The following CNTN4 variants were observed in gnomAD, a reference collection of about 807,000 sequenced individuals.
CNTN4 encodes the protein contactin 4.
Under a neutral mutation model 122.5 loss-of-function variants are expected in CNTN4, and 77 were observed. The observed-to-expected ratio is 0.63, with a 90% CI of 0.52 to 0.76. The LOEUF (loss-of-function observed/expected upper bound fraction) is 0.76, where lower values mean the gene tolerates loss of function less well. Ranked by LOEUF, CNTN4 falls within the 30% of genes least tolerant of loss-of-function variation. The pLI, the probability that CNTN4 is intolerant of heterozygous loss-of-function variation, is 0.00. For synonymous variants in CNTN4, 512 were observed against 447.0 expected, an observed-to-expected ratio of 1.15 and a Z score of -1.83; for missense variants, 1,256 against 1,259.1, an observed-to-expected ratio of 1.00 and a Z score of 0.04.
At chr3:2,425,653 A>G (rs1319327407) in intron 3 of CNTN4, among the ~76,000 whole-genome samples, 1 of 152,110 alleles carries the variant, frequency 6.6e-6, no homozygotes, top group Non-Finnish European at 1.5e-5. Context: ...TCTATAAATT[A>G]CCTTGGGCAG....
At chr3:2,627,641 C>G (rs1479931854) in intron 4 of CNTN4, among the ~76,000 whole-genome samples, 2 of 146,972 alleles carry the variant, frequency 1.4e-5, no homozygotes, top group Non-Finnish European at 3.0e-5. Flanking sequence ...ATACAGGTGC[C>G]CGCCACCACG....
In CNTN4 at chr3:2,718,889, A is replaced by G. The variant is rs184629110; in HGVS notation, c.56-17326A>G. 9.2e-5 allele frequency among the ~76,000 whole-genome samples: 14 copies of G among 152,292 alleles called. No homozygotes were observed. In the East Asian group the frequency reaches 2.7e-3, roughly 29 times the overall value. On this transcript the variant is annotated intron_variant, in intron 4 of 24. Coordinates refer to ENST00000418658, the MANE Select transcript of CNTN4 (RefSeq NM_175607.3). ...ATGCAAAATGATGGGCCCAAATTGG[A>G]TCAGGGATTTTTAACCTGAAATCCA...
At chr3:2,648,767 T>C (rs935013832) in intron 4 of CNTN4, among the ~76,000 whole-genome samples, 2 of 152,186 alleles carry the variant, frequency 1.3e-5, no homozygotes, top group African/African-American at 2.4e-5. Context: ...TTGACCTTAA[T>C]GAGGAAGGCA....
At chr3:2,979,615 T>TC (rs1464078277) in intron 13 of CNTN4, among the ~76,000 whole-genome samples, 1 of 152,028 alleles carries the variant, frequency 6.6e-6, no homozygotes, top group Non-Finnish European at 1.5e-5. Context: ...CTTTGAGTTT[T>TC]TTTTTTTTTT....
intron 2 of CNTN4, among the ~76,000 whole-genome samples, chr3:2,142,718 G>T (rs937400949): frequency 6.6e-6 from 1 of 152,104 alleles, no homozygotes; most frequent in Non-Finnish European, 1.5e-5. Context: ...AGCTGCCTCT[G>T]CAAATGATAG....
intron 4 of CNTN4, among the ~76,000 whole-genome samples, chr3:2,632,363 A>G (rs2082480923): frequency 6.6e-6 from 1 of 152,188 alleles, no homozygotes; most frequent in Non-Finnish European, 1.5e-5. Context: ...GATTTTCTTC[A>G]TAACACTGGA....
intron 4 of CNTN4, among the ~76,000 whole-genome samples, chr3:2,683,937 A>T (rs923561928): frequency 6.6e-6 from 1 of 152,126 alleles, no homozygotes; most frequent in South Asian, 2.1e-4. Flanking sequence ...CCAGCCTTTT[A>T]AAGAAATTCC....
chr3:2,485,221 G>A (rs894555865), intron 3 of CNTN4, among the ~76,000 whole-genome samples: 2 of 152,312 alleles, frequency 1.3e-5, no homozygotes, highest in South Asian at 2.1e-4. Context: ...CGCGGCCGGA[G>A]CCTCCGCAGA....
chr3:2,296,813 A>T (rs979542450), intron 2 of CNTN4, among the ~76,000 whole-genome samples: 1 of 151,564 alleles, frequency 6.6e-6, no homozygotes, highest in Admixed American at 6.6e-5. Context: ...ACAAAAAACT[A>T]TAATTCCAAT....
chr3:2,521,312 G>A (rs1011914182), intron 3 of CNTN4, among the ~76,000 whole-genome samples: 2 of 151,132 alleles, frequency 1.3e-5, no homozygotes, highest in East Asian at 3.9e-4. Flanking sequence ...GCTTCATTTT[G>A]TTTCTGTGAA....
intron 2 of CNTN4, among the ~76,000 whole-genome samples, chr3:2,292,025 C>T (rs1415034242): frequency 6.6e-6 from 1 of 152,110 alleles, no homozygotes; most frequent in Admixed American, 6.6e-5. Flanking sequence ...CGTGAGCCAC[C>T]GCGCCTGGCG....
At chr3:2,521,351 A>ACCCCC (rs770856406) in intron 3 of CNTN4, among the ~76,000 whole-genome samples, 1 of 115,198 alleles carries the variant, frequency 8.7e-6, no homozygotes, top group African/African-American at 3.4e-5. Context: ...CATCCCCCCC[A>ACCCCC]CCCCCCGCAA....
intron 22 of CNTN4, 127 bp downstream of exon 22, chr3:3,043,290 A>G (rs1700330710): frequency 2.0e-6 from 2 of 976,976 alleles, no homozygotes; most frequent in Admixed American, 2.0e-5. Flanking sequence ...AATTTCCCTC[A>G]GCATTTTAAC....
intron 3 of CNTN4, among the ~76,000 whole-genome samples, chr3:2,350,331 T>C (rs1180056877): frequency 6.6e-6 from 1 of 152,146 alleles, no homozygotes; most frequent in Non-Finnish European, 1.5e-5. Context: ...GAGCAGGTGA[T>C]TGGACGCAGC....
At chr3:2,180,311 T>C (rs2036957644) in intron 2 of CNTN4, among the ~76,000 whole-genome samples, 1 of 152,062 alleles carries the variant, frequency 6.6e-6, no homozygotes, top group Non-Finnish European at 1.5e-5. Flanking sequence ...ATTATCAAAT[T>C]CATTCTTCAC....
At chr3:2,855,014 TA>T (rs1383081563) in intron 7 of CNTN4, among the ~76,000 whole-genome samples, 4 of 152,350 alleles carry the variant, frequency 2.6e-5, no homozygotes, top group Admixed American at 2.6e-4. Flanking sequence ...GAAATATATT[TA>T]AGTGCTGATG....
At chr3:2,268,132 G>A (rs2041129944) in intron 2 of CNTN4, among the ~76,000 whole-genome samples, 2 of 152,096 alleles carry the variant, frequency 1.3e-5, no homozygotes, top group Admixed American at 6.6e-5. Context: ...GCTAGGCATT[G>A]TAGCACAATT....
At chr3:2,277,216 T>C (rs2041546317) in intron 2 of CNTN4, among the ~76,000 whole-genome samples, 1 of 152,186 alleles carries the variant, frequency 6.6e-6, no homozygotes, top group East Asian at 1.9e-4. Context: ...ATAAACATCA[T>C]TTAAATACGT....
At chr3:2,965,676 C>T (rs1231584809) in intron 13 of CNTN4, among the ~76,000 whole-genome samples, 2 of 152,134 alleles carry the variant, frequency 1.3e-5, no homozygotes, top group Non-Finnish European at 2.9e-5. Context: ...ATATCACTCC[C>T]ATGCCTTAAG....
Sources: gnomAD v4.1 joint callset for allele counts (sites outside exome capture counted in the v4.1 genomes callset) on GRCh38, gnomAD v4.1.1 for gene constraint, MANE v1.5 for transcripts, NCBI Gene and HGNC (gene_info 2026-07-23, HGNC 2026-07-21) for gene names.